Variants in ANO1 observed in about 807,000 individuals in gnomAD.
ANO1 encodes the protein anoctamin 1, also known as anoctamin-1.
ANO1 carries 59 observed loss-of-function variants against 124.0 expected under a neutral mutation model. The observed-to-expected ratio is 0.48, with a 90% CI of 0.39 to 0.59. The LOEUF (loss-of-function observed/expected upper bound fraction) is 0.59, where lower values mean the gene tolerates loss of function less well. Ranked by LOEUF, ANO1 falls within the 20% of genes least tolerant of loss-of-function variation. ANO1 has a pLI of 0.00. For synonymous variants in ANO1, 529 were observed against 532.0 expected (o/e 0.99, Z 0.08); for missense variants, 1,059 against 1,328.0 (o/e 0.80, Z 3.15).
At chr11:70,019,660 A>G (rs1300927741) in intron 1 of ANO1, among the ~76,000 whole-genome samples, 1 of 152,136 alleles carries the variant, frequency 6.6e-6, no homozygotes, top group Non-Finnish European at 1.5e-5. Flanking sequence ...CAAACACTCT[A>G]AGTCAGCTTT....
At chr11:70,131,333 G>A (rs915253785) in intron 10 of ANO1, among the ~76,000 whole-genome samples, 4 of 130,962 alleles carry the variant, frequency 3.1e-5, no homozygotes, top group African/African-American at 7.9e-5. Flanking sequence ...GTGTGTGTGT[G>A]CGCGTCTGTG....
At chr11:70,117,259 C>T (rs924925318) in intron 8 of ANO1, among the ~76,000 whole-genome samples, 2 of 151,912 alleles carry the variant, frequency 1.3e-5, no homozygotes, top group East Asian at 1.9e-4. Context: ...TTAGTAGAGA[C>T]GGGCTTTCGC....
Position 70,043,914 on chromosome 11 carries a change from T to C in ANO1, c.59-34628T>C, listed in dbSNP as rs750966571. On this transcript the variant is annotated intron_variant, in intron 1 of 27. Transcript: ENST00000531349. ...ACCAGAATTAGTATATAATAATAAA[T>C]GTGCATGTTAATATAAAACGTTTTC... Among the ~76,000 whole-genome samples the C allele has an allele frequency of 2.2e-4, 33 of 152,130 alleles. 1 individual carries two copies. The highest frequency in any genetic ancestry group is 3.7e-4 in the Non-Finnish European group (25 of 67,972).
intron 2 of ANO1, among the ~76,000 whole-genome samples, chr11:70,097,659 T>C (rs1205057595): frequency 6.6e-6 from 1 of 152,194 alleles, no homozygotes; most frequent in Non-Finnish European, 1.5e-5. Flanking sequence ...CTCGTCCATA[T>C]TTACTGAAGT....
chr11:70,087,926 G>A lies in ANO1; in HGVS notation c.283G>A (p.Val95Ile), dbSNP rs201150364. ...HSDTPSGARS[V>I]KQDHPLPGKG... ...CGACACCCCCTCTGGGGCTCGCAGC[G>A]TCAAGCAGGACCACCCCCTGCCGGG... The change falls in exon 2 of 26, where the codon GTC becomes ATC. Residue 95 changes from valine (V) to isoleucine (I), a missense_variant. Physicochemically the swap from Val to Ile is conservative, Grantham distance 29. This residue lies in a region of ANO1 where 250 missense variants were observed against 233.1 expected (regional missense o/e 1.07). Transcript: ENST00000355303. 2.5e-4 allele frequency: 409 copies of A among 1,608,148 alleles called. 1 individual carries two copies. The highest frequency in any genetic ancestry group is 2.3e-3 in the Middle Eastern group (14 of 6,050).
At chr11:70,075,796 C>T (rs1364583338), upstream of ANO1, among the ~76,000 whole-genome samples, 1 of 152,268 alleles carries the variant, frequency 6.6e-6, no homozygotes, top group East Asian at 1.9e-4. Flanking sequence ...GCAAAGTGAC[C>T]CATAGGACAC....
chr11:70,187,535 G>A (rs1036667788), intron 25 of ANO1, among the ~76,000 whole-genome samples: 16 of 152,258 alleles, frequency 1.1e-4, no homozygotes, highest in Admixed American at 9.2e-4. Context: ...AGATTTGTTC[G>A]AGAAAGTCGG....
intron 1 of ANO1, among the ~76,000 whole-genome samples, chr11:70,014,213 A>G (rs1449691037): frequency 6.6e-6 from 1 of 152,092 alleles, no homozygotes; most frequent in Non-Finnish European, 1.5e-5. Flanking sequence ...GTATTTTCAC[A>G]ATGTGAACTC....
In ANO1 at chr11:70,170,919, G is replaced by A; in HGVS notation, c.2230G>A (p.Ala744Thr). 1 of 1,613,368 alleles carries A rather than the reference G, an allele frequency of 6.2e-7. No individual in the cohort carries two copies. The highest frequency in any genetic ancestry group is 8.5e-7 in the Non-Finnish European group (1 of 1,179,668). ...GTTTGGCTTCGTCACCCTGTTTGTC[G>A]CCTCCTTCCCCCTGGCCCCACTGTT... ...IQFGFVTLFV[A>T]SFPLAPLFAL... Residue 744 changes from alanine (A) to threonine (T), a missense_variant, in exon 22 of 26, where the codon GCC becomes ACC. Physicochemically the swap from Ala to Thr is moderately conservative, Grantham distance 58 (BLOSUM62 0). This residue lies in a region of ANO1 where 809 missense variants were observed against 1,094.9 expected (regional missense o/e 0.74). Coordinates refer to ENST00000355303, the MANE Select transcript of ANO1 (RefSeq NM_018043.7).
rs371954677 is a variant in ANO1 at position 70,157,274 on chromosome 11, G to A, written c.1578+253G>A. 2.7e-4 allele frequency among the ~76,000 whole-genome samples: 40 copies of A among 150,812 alleles called. 2 individuals carry two copies. The East Asian group carries it at 7.1e-3, about 27-fold the overall frequency. On this transcript the variant is annotated intron_variant, in intron 16 of 25. Transcript: ENST00000355303. ...CCCAGCTACTCAGGAGGCTGAGGCA[G>A]GACAATTGCTTGAACCCGGGAGGCA...
chr11:70,133,042 G>A (rs1300166916), intron 11 of ANO1, among the ~76,000 whole-genome samples: 1 of 152,066 alleles, frequency 6.6e-6, no homozygotes, highest in Non-Finnish European at 1.5e-5. Flanking sequence ...CAGGTGTAGA[G>A]ACAGAGGGGC....
intron 15 of ANO1, among the ~76,000 whole-genome samples, chr11:70,156,486 C>T (rs2047822720): frequency 6.6e-6 from 1 of 152,198 alleles, no homozygotes; most frequent in Non-Finnish European, 1.5e-5. Flanking sequence ...GACGTTTTAA[C>T]TTGTAGTGCT....
chr11:69,996,884 G>A (rs1346915454), intron 1 of ANO1, among the ~76,000 whole-genome samples: 1 of 152,208 alleles, frequency 6.6e-6, no homozygotes, highest in African/African-American at 2.4e-5. Flanking sequence ...GCCAGATGAA[G>A]TTCTAAGCTT....
chr11:70,176,156 CTTTT>C (rs56702157), intron 22 of ANO1, among the ~76,000 whole-genome samples: 1 of 124,438 alleles, frequency 8.0e-6, no homozygotes, highest in African/African-American at 3.1e-5. Context: ...TATATATACA[CTTTT>C]TTTTTTTTTT....
intron 2 of ANO1, among the ~76,000 whole-genome samples, chr11:70,098,857 A>G (rs1263811051): frequency 6.6e-6 from 1 of 152,018 alleles, no homozygotes; most frequent in African/African-American, 2.4e-5. Context: ...CACCATGGGG[A>G]CTCACTTCTC....
intron 21 of ANO1, among the ~76,000 whole-genome samples, chr11:70,168,031 G>A (rs970605292): frequency 6.6e-6 from 1 of 152,136 alleles, no homozygotes; most frequent in Non-Finnish European, 1.5e-5. Flanking sequence ...CCCAGGGATC[G>A]AGCCTTACCC....
the ANO1 span, among the ~76,000 whole-genome samples, chr11:69,972,209 A>T: frequency 7.5e-6 from 1 of 132,756 alleles, no homozygotes; most frequent in South Asian, 2.6e-4. Flanking sequence ...AAAAAAAAAA[A>T]GTGAAGGTGA....
chr11:70,109,994 T>C (rs1198505628), intron 6 of ANO1, among the ~76,000 whole-genome samples: 2 of 152,112 alleles, frequency 1.3e-5, no homozygotes, highest in Non-Finnish European at 1.5e-5. Context: ...CCTGCCAAGT[T>C]GTGTCCCATA....
At chr11:70,022,676 C>T (rs770880241) in intron 1 of ANO1, among the ~76,000 whole-genome samples, 78 of 152,082 alleles carry the variant, frequency 5.1e-4, no homozygotes, top group Non-Finnish European at 9.1e-4. Context: ...AGCTTGCTTT[C>T]CCCCAAATTT....
Sources: gnomAD v4.1 joint callset for allele counts (sites outside exome capture counted in the v4.1 genomes callset) on GRCh38, gnomAD v4.1.1 for gene constraint, gnomAD v4.1.1 regional missense constraint, MANE v1.5 for transcripts, NCBI Gene and HGNC (gene_info 2026-07-23, HGNC 2026-07-21) for gene names.